DPYSL3: variants seen among roughly 807,000 people sequenced by gnomAD.
DPYSL3 encodes dihydropyrimidinase like 3.
A neutral mutation model predicts 66.1 loss-of-function variants in DPYSL3; 16 were observed. That is an observed-to-expected ratio of 0.24 (90% CI 0.16 to 0.37). The LOEUF is 0.37. Among genes scored for constraint, DPYSL3 ranks in the 10% least tolerant of loss-of-function variants. DPYSL3 has a pLI of 1.00. For missense variants in DPYSL3, 738 were observed against 916.2 expected, an observed-to-expected ratio of 0.81 and a Z score of 2.51; for synonymous variants, 338 against 345.1, an observed-to-expected ratio of 0.98 and a Z score of 0.23.
intron 8 of DPYSL3, among the ~76,000 whole-genome samples, chr5:147,403,717 C>G (rs1034040566): frequency 6.6e-6 from 1 of 152,168 alleles, no homozygotes; most frequent in Non-Finnish European, 1.5e-5. Context: ...GAGGGAAGTG[C>G]AAACCCTGCT....
chr5:147,492,212 T>C (rs1182442037), intron 1 of DPYSL3, among the ~76,000 whole-genome samples: 1 of 152,122 alleles, frequency 6.6e-6, no homozygotes, highest in African/African-American at 2.4e-5. Context: ...GAAGAAGATA[T>C]ATTCTTCTAC....
intron 1 of DPYSL3, among the ~76,000 whole-genome samples, chr5:147,457,689 T>A (rs184780277): frequency 2.2e-4 from 33 of 152,306 alleles, no homozygotes; most frequent in African/African-American, 7.7e-4. Flanking sequence ...ACTGATTAGT[T>A]TTATGCCAAT....
At chr5:147,443,621 A>G (rs572640938) in intron 1 of DPYSL3, among the ~76,000 whole-genome samples, 1 of 151,964 alleles carries the variant, frequency 6.6e-6, no homozygotes, top group South Asian at 2.1e-4. Context: ...AGAGATAAAG[A>G]AAAAAGTTAT....
rs762333633 is a variant in DPYSL3, at chr5:147,415,903, T to A, written c.656-30A>T. 3 of 1,608,096 alleles carry A rather than the reference T, an allele frequency of 1.9e-6. No individual in the cohort carries two copies. The African/African-American group carries it at 4.0e-5, about 21-fold the overall frequency. On this transcript the variant is annotated intron_variant, in intron 3 of 13. Transcript: ENST00000343218. ...ATGACAGAGACCCCAGATGAGTCACTCTCAGACACAGCCTTTGCTCCCCTC... is the reference window on the plus strand; with the variant it reads ...ATGACAGAGACCCCAGATGAGTCACACTCAGACACAGCCTTTGCTCCCCTC...
At chr5:147,442,307 C>A (rs1752547817) in intron 1 of DPYSL3, among the ~76,000 whole-genome samples, 1 of 152,208 alleles carries the variant, frequency 6.6e-6, no homozygotes, top group East Asian at 1.9e-4. Flanking sequence ...CAGTGTACCT[C>A]TACAAATGTC....
rs376161254 is a variant in DPYSL3 at position 147,506,863 on chromosome 5, T to C, written c.381+2615A>G. ...AATTCATCTCTAGATCTGGGAGAGA[T>C]ATTAGAGCTATTTGCCAAATATTTC... On this transcript the variant is annotated intron_variant, in intron 1 of 13. Coordinates refer to ENST00000343218, the MANE Select transcript of DPYSL3 (RefSeq NM_001197294.2). Among the ~76,000 whole-genome samples, 83 of 152,322 alleles carry C rather than the reference T, an allele frequency of 5.4e-4. 3 individuals are homozygous for C. In the South Asian group the frequency reaches 0.017, roughly 32 times the overall value.
At chr5:147,404,354 T>C (rs1758277595) in intron 8 of DPYSL3, among the ~76,000 whole-genome samples, 2 of 152,242 alleles carry the variant, frequency 1.3e-5, no homozygotes, top group East Asian at 1.9e-4. Context: ...GTAAGAAAAA[T>C]AGGGTCACCC....
intron 1 of DPYSL3, among the ~76,000 whole-genome samples, chr5:147,447,428 G>T (rs983070898): frequency 2.0e-5 from 3 of 152,164 alleles, no homozygotes; most frequent in African/African-American, 7.2e-5. Context: ...ACAGCAAAAG[G>T]AGTCTGAAAA....
chr5:147,509,976 G>A lies in DPYSL3; in HGVS notation c.-118C>T. 1.4e-6 allele frequency: 2 copies of A among 1,401,668 alleles called. No individual in the cohort carries two copies. Among genetic ancestry groups the A allele is most frequent in the Middle Eastern group, 2.6e-4 (1 of 3,832 alleles). 86.8% of individuals were successfully genotyped at this position (1,401,668 alleles called of 1,614,324 possible). A position where few individuals can be genotyped will look rare whatever the true frequency, so the allele number is the denominator to read the frequency against. ...CGGGAGGAGGCGCCTGAGCCTTCGC[G>A]CCAGAGGCGGCAGTGCTGCTCCGAT... On this transcript the variant is annotated 5_prime_UTR_variant, in exon 1 of 14. Coordinates refer to ENST00000343218, the MANE Select transcript of DPYSL3 (RefSeq NM_001197294.2). This position sits in a 1 kb window ranked among gnomAD's most constrained non-coding sequence, Gnocchi z 5.3.
At chr5:147,496,350 A>G (rs1753507862) in intron 1 of DPYSL3, among the ~76,000 whole-genome samples, 1 of 152,252 alleles carries the variant, frequency 6.6e-6, no homozygotes, top group Non-Finnish European at 1.5e-5. Context: ...CAAGGACTTC[A>G]TGTCTAAAAC....
intron 1 of DPYSL3, among the ~76,000 whole-genome samples, chr5:147,489,034 G>C: frequency 6.6e-6 from 1 of 151,516 alleles, no homozygotes; most frequent in South Asian, 2.1e-4. Flanking sequence ...AAAAGAAAAA[G>C]AAAAGAAAAA....
chr5:147,443,535 A>T (rs1173938269), intron 1 of DPYSL3, among the ~76,000 whole-genome samples: 1 of 150,826 alleles, frequency 6.6e-6, no homozygotes, highest in East Asian at 1.9e-4. Flanking sequence ...GGTGCAGCCA[A>T]CCACCACGGC....
At chr5:147,506,507 AT>A (rs894696664) in intron 1 of DPYSL3, among the ~76,000 whole-genome samples, 6 of 152,262 alleles carry the variant, frequency 3.9e-5, no homozygotes, top group African/African-American at 1.4e-4. Context: ...TGGGCACTGT[AT>A]TTTGAGAAAA....
intron 11 of DPYSL3, among the ~76,000 whole-genome samples, chr5:147,398,855 T>G (rs952723205): frequency 3.9e-5 from 6 of 152,188 alleles, no homozygotes; most frequent in African/African-American, 1.4e-4. Context: ...AGAGGAAGCC[T>G]CTATTGGCCT....
chr5:147,397,501 TTAATAGTACA>T (rs1460368395), intron 12 of DPYSL3, among the ~76,000 whole-genome samples, 155 bp downstream of exon 12: 2 of 152,222 alleles, frequency 1.3e-5, no homozygotes, highest in African/African-American at 2.4e-5. Flanking sequence ...AACACCCTCT[TTAATAGTACA>T]TTAAGTCTGT....
chr5:147,473,095 G>T (rs940921224), intron 1 of DPYSL3: 10 of 152,050 alleles, frequency 6.6e-5, no homozygotes, highest in African/African-American at 2.4e-4. Flanking sequence ...TCTCTTGCTT[G>T]TAATAAAATA....
intron 1 of DPYSL3, among the ~76,000 whole-genome samples, chr5:147,428,988 T>G (rs1397500773): frequency 1.3e-5 from 2 of 152,096 alleles, no homozygotes; most frequent in South Asian, 4.1e-4. Flanking sequence ...GTTCCCTCAG[T>G]GATGAATATG....
chr5:147,464,628 A>G (rs1415295461), intron 1 of DPYSL3, among the ~76,000 whole-genome samples: 1 of 152,210 alleles, frequency 6.6e-6, no homozygotes, highest in African/African-American at 2.4e-5. Context: ...CTTGCCCAGC[A>G]TTAATGGTAT....
intron 1 of DPYSL3, among the ~76,000 whole-genome samples, chr5:147,426,026 C>T (rs141273314): frequency 2.0e-4 from 31 of 152,226 alleles, no homozygotes; most frequent in African/African-American, 7.5e-4. Context: ...TCCATCCATC[C>T]ATCCATCCAT....
Sources: allele counts gnomAD v4.1 joint callset (sites outside exome capture counted in the v4.1 genomes callset), GRCh38; gene constraint gnomAD v4.1.1; non-coding constraint Gnocchi (gnomAD v3.1); transcripts MANE v1.5; gene names NCBI Gene and HGNC (gene_info 2026-07-23, HGNC 2026-07-21).